LNX1: variants seen among roughly 807,000 people sequenced by gnomAD.
The protein encoded by LNX1 is E3 ubiquitin-protein ligase LNX.
In LNX1, 54 loss-of-function variants were observed where a neutral mutation model predicts 68.4. The ratio of observed to expected loss-of-function variants is 0.79; its 90% confidence interval spans 0.63 to 0.99. The LOEUF is 0.99. Among genes scored for constraint, LNX1 ranks in the 50% least tolerant of loss-of-function variants. The pLI, the probability that LNX1 is intolerant of heterozygous loss-of-function variation, is 0.00. For missense variants in LNX1, 906 were observed against 926.4 expected, an observed-to-expected ratio of 0.98 and a Z score of 0.29; for synonymous variants, 336 against 350.0, an observed-to-expected ratio of 0.96 and a Z score of 0.45.
intron 2 of LNX1, among the ~76,000 whole-genome samples, chr4:53,518,428 G>A (rs1477630376): frequency 6.6e-6 from 1 of 152,080 alleles, no homozygotes; most frequent in African/African-American, 2.4e-5. Flanking sequence ...TTTTCCTATC[G>A]GTTTACAGAG....
chr4:53,538,236 C>A (rs977926923), intron 2 of LNX1, among the ~76,000 whole-genome samples: 1 of 152,218 alleles, frequency 6.6e-6, no homozygotes, highest in Non-Finnish European at 1.5e-5. Context: ...ACCATGGCAT[C>A]CAGGTTTTAT....
chr4:53,525,995 ATT>A lies in LNX1; in HGVS notation c.381-17770_381-17769del, dbSNP rs560018681. Reference sequence around the variant, plus strand: ...TGCAAATTTCTAGTATCTAATTACTATTTAATCAATAACTTGTTTATTGACAT... The same window carrying A: ...TGCAAATTTCTAGTATCTAATTACTATAATCAATAACTTGTTTATTGACAT... On this transcript the variant is annotated intron_variant, in intron 2 of 10. Coordinates refer to ENST00000263925, the MANE Select transcript of LNX1 (RefSeq NM_001126328.3). Among the ~76,000 whole-genome samples the A allele has an allele frequency of 3.7e-4, 56 of 152,354 alleles. 1 individual carries two copies. In the East Asian group the frequency reaches 9.8e-3, roughly 27 times the overall value.
At chr4:53,614,754 T>C (rs75319249) in intron 2 of LNX1, among the ~76,000 whole-genome samples, 2,779 of 152,322 alleles carry the variant, frequency 0.018, 85 homozygotes, top group African/African-American at 0.064. Flanking sequence ...CTCCTTGATG[T>C]CAACTGAATG....
Position 53,460,865 on chromosome 4 carries a change from C to CTAT in LNX1, c.*39_*41dup, listed in dbSNP as rs34823651. 201,782 of 1,549,658 alleles carry CTAT rather than the reference C, an allele frequency of 0.13. 14,012 individuals carry two copies. The highest frequency in any genetic ancestry group is 0.17 in the East Asian group (7,328 of 43,848). On this transcript the variant is annotated 3_prime_UTR_variant, in exon 11 of 11. Transcript: ENST00000263925. The stretch of plus-strand genomic sequence containing the variant: ...AAATATAGTGTTTCAACTTCTTAGC[C>CTAT]TATTTGTGATTTTTCTGTTTTCCTC...
At chr4:53,507,205 C>A in intron 4 of LNX1, 112 bp downstream of exon 4, 1 of 1,141,852 alleles carries the variant, frequency 8.8e-7, no homozygotes, top group Non-Finnish European at 1.3e-6. Flanking sequence ...TATTGTATAC[C>A]CTTGGGAAGA....
chr4:53,583,927 C>T (rs1330297243), intron 1 of LNX1, among the ~76,000 whole-genome samples: 1 of 134,198 alleles, frequency 7.5e-6, no homozygotes, highest in Non-Finnish European at 1.6e-5. Flanking sequence ...GAACTGACCC[C>T]CTGCAAACAA....
rs991705735 is a variant in LNX1 at position 53,626,919 on chromosome 4, TAGCCTGGGA to T, written c.-215+25240_-215+25248del. On this transcript the variant is annotated intron_variant, in intron 1 of 2. Transcript: ENST00000507168. ...AATTGAAGCTAGAAGCATTGCTGTT[TAGCCTGGGA>T]AGCCTGGGAAGACTGAACCTTTACT... is the stretch of plus-strand genomic sequence containing the variant. Among the ~76,000 whole-genome samples, 118 of 152,358 alleles carry T rather than the reference TAGCCTGGGA, an allele frequency of 7.7e-4. 1 individual carries two copies. The highest frequency in any genetic ancestry group is 2.8e-3 in the African/African-American group (116 of 41,578).
chr4:53,463,809 G>T (rs1002128647), intron 9 of LNX1, among the ~76,000 whole-genome samples: 1 of 152,006 alleles, frequency 6.6e-6, no homozygotes, highest in African/African-American at 2.4e-5. Context: ...AGCTGCTCAA[G>T]AAGCTAAGTT....
intron 2 of LNX1, among the ~76,000 whole-genome samples, chr4:53,565,394 A>G (rs1460779334): frequency 6.6e-6 from 1 of 151,898 alleles, no homozygotes; most frequent in South Asian, 2.1e-4. Flanking sequence ...GCACACTGAC[A>G]CCTCACACTG....
chr4:53,583,676 T>A (rs1175099421), intron 1 of LNX1, among the ~76,000 whole-genome samples: 1 of 152,130 alleles, frequency 6.6e-6, no homozygotes, highest in Admixed American at 6.5e-5. Flanking sequence ...ACATAGATGT[T>A]CAGAATGTGG....
chr4:53,565,639 C>G (rs563366964), intron 2 of LNX1, among the ~76,000 whole-genome samples: 36 of 152,330 alleles, frequency 2.4e-4, no homozygotes, highest in African/African-American at 7.2e-4. Flanking sequence ...CAGAACAAAG[C>G]TGGACAGAGA....
intron 2 of LNX1, among the ~76,000 whole-genome samples, chr4:53,546,712 C>T (rs1729142874): frequency 6.6e-6 from 1 of 152,146 alleles, no homozygotes; most frequent in South Asian, 2.1e-4. Context: ...AGCCAAGCAA[C>T]AAGCTGGATT....
At chr4:53,467,889 A>T (rs1475277843) in intron 9 of LNX1, among the ~76,000 whole-genome samples, 1 of 152,250 alleles carries the variant, frequency 6.6e-6, no homozygotes, top group East Asian at 1.9e-4. Flanking sequence ...AGTGACGAGG[A>T]GAATGGAACC....
At chr4:53,542,178 C>G (rs1728807441) in intron 2 of LNX1, among the ~76,000 whole-genome samples, 1 of 152,122 alleles carries the variant, frequency 6.6e-6, no homozygotes, top group Non-Finnish European at 1.5e-5. Flanking sequence ...ATGCAATTGT[C>G]AGCTTGAAAA....
intron 2 of LNX1, chr4:53,558,361 C>T (rs1577711875): frequency 1.3e-6 from 1 of 785,714 alleles, no homozygotes. Flanking sequence ...AGGACATGAG[C>T]ATGACACATT....
Position 53,460,708 on chromosome 4 carries a change from GAAAA to G in LNX1, c.*195_*198del, listed in dbSNP as rs1408075397. On this transcript the variant is annotated 3_prime_UTR_variant, in exon 11 of 11. Transcript: ENST00000263925. Reference sequence around the variant, plus strand: ...AGAGTAATGAGAAATCCTCCACACTGAAAAAAAACTAGTAGTTTTAATTTTTTTG... The same window carrying G: ...AGAGTAATGAGAAATCCTCCACACTGAAAACTAGTAGTTTTAATTTTTTTG... 1.9e-6 allele frequency: 1 copy of G among 528,018 alleles called. No homozygotes were observed. The highest frequency in any genetic ancestry group is 3.2e-6 in the Non-Finnish European group (1 of 308,618). 32.7% of individuals were successfully genotyped at this position (528,018 alleles called of 1,614,324 possible).
At chr4:53,466,456 A>C (rs1193663617) in intron 9 of LNX1, among the ~76,000 whole-genome samples, 1 of 152,224 alleles carries the variant, frequency 6.6e-6, no homozygotes, top group East Asian at 1.9e-4. Context: ...CAACTGAGAT[A>C]CTGGGTTCAT....
At chr4:53,514,428 C>T (rs924489499) in intron 2 of LNX1, among the ~76,000 whole-genome samples, 2 of 152,174 alleles carry the variant, frequency 1.3e-5, no homozygotes, top group African/African-American at 4.8e-5. Flanking sequence ...GGGGAGGCCT[C>T]ACAATCATGG....
At chr4:53,550,306 T>C (rs989778874) in intron 2 of LNX1, among the ~76,000 whole-genome samples, 2 of 152,222 alleles carry the variant, frequency 1.3e-5, no homozygotes, top group Non-Finnish European at 2.9e-5. Flanking sequence ...GCCCCAAGAC[T>C]GGATCTTGTT....
Sources: allele counts gnomAD v4.1 joint callset (sites outside exome capture counted in the v4.1 genomes callset), GRCh38; gene constraint gnomAD v4.1.1; transcripts MANE v1.5; gene names NCBI Gene and HGNC (gene_info 2026-07-23, HGNC 2026-07-21).